Variants in GPC5 observed in about 807,000 individuals in gnomAD.
The protein encoded by GPC5 is glypican 5, also known as glypican-5.
A neutral mutation model predicts 53.9 loss-of-function variants in GPC5; 47 were observed. The observed-to-expected ratio is 0.87, with a 90% CI of 0.69 to 1.11. GPC5 has a LOEUF of 1.11. Among genes scored for constraint, GPC5 ranks in the 50% most tolerant of loss-of-function variants. The probability of loss-of-function intolerance (pLI) is 0.00; values close to 1 mark genes in which losing one functional copy is unlikely to be tolerated. For synonymous variants in GPC5, 286 were observed against 263.3 expected (o/e 1.09, Z -0.84); for missense variants, 748 against 713.1 (o/e 1.05, Z -0.56).
intron 7 of GPC5, among the ~76,000 whole-genome samples, chr13:92,426,650 T>G (rs147887456): frequency 6.6e-6 from 1 of 152,210 alleles, no homozygotes; most frequent in East Asian, 1.9e-4. Flanking sequence ...CTGGCTTATT[T>G]TATGTATTTG....
intron 7 of GPC5, among the ~76,000 whole-genome samples, chr13:92,560,224 CA>C (rs200283249): frequency 0.036 from 5,434 of 151,914 alleles, 276 homozygotes; most frequent in African/African-American, 0.11. Flanking sequence ...ACTTTGATTA[CA>C]AAATAGTGAT....
intron 7 of GPC5, among the ~76,000 whole-genome samples, chr13:92,187,458 T>C (rs1305243144): frequency 6.6e-6 from 1 of 152,198 alleles, no homozygotes; most frequent in Non-Finnish European, 1.5e-5. Context: ...TCATGCCATA[T>C]GATAGGGTGA....
chr13:92,405,619 T>A (rs1445839109), intron 7 of GPC5, among the ~76,000 whole-genome samples: 2 of 152,228 alleles, frequency 1.3e-5, no homozygotes, highest in African/African-American at 4.8e-5. Context: ...TTTTCAAGGC[T>A]ATCTTGTCCT....
chr13:92,525,636 A>T (rs112977805), intron 7 of GPC5, among the ~76,000 whole-genome samples: 2 of 152,034 alleles, frequency 1.3e-5, no homozygotes, highest in African/African-American at 4.8e-5. Context: ...ACTGAATTAT[A>T]TCTCTAAGGG....
At chr13:91,687,621 T>C (rs1291510525) in intron 2 of GPC5, among the ~76,000 whole-genome samples, 1 of 151,990 alleles carries the variant, frequency 6.6e-6, no homozygotes, top group East Asian at 1.9e-4. Context: ...TTGCAGCCTT[T>C]AATTCGATCT....
At chr13:91,976,425 CT>C (rs1186372754) in intron 6 of GPC5, among the ~76,000 whole-genome samples, 1 of 152,162 alleles carries the variant, frequency 6.6e-6, no homozygotes, top group Non-Finnish European at 1.5e-5. Context: ...GGGAAGAAGG[CT>C]TTAATTGGGT....
chr13:91,762,401 C>T (rs932766225), intron 5 of GPC5, among the ~76,000 whole-genome samples: 8 of 151,640 alleles, frequency 5.3e-5, no homozygotes, highest in Non-Finnish European at 1.0e-4. Context: ...CATTCAATTA[C>T]ATTTTTCCTA....
chr13:91,691,050 AC>A (rs765963125), intron 2 of GPC5, among the ~76,000 whole-genome samples: 1 of 152,202 alleles, frequency 6.6e-6, no homozygotes, highest in Admixed American at 6.5e-5. Flanking sequence ...GGAGAAACAT[AC>A]AGGCTTGGCA....
At chr13:92,392,623 A>G (rs1035618697) in intron 7 of GPC5, among the ~76,000 whole-genome samples, 1 of 152,218 alleles carries the variant, frequency 6.6e-6, no homozygotes, top group Non-Finnish European at 1.5e-5. Flanking sequence ...GACAACCTAC[A>G]GAATAGGAGA....
intron 6 of GPC5, among the ~76,000 whole-genome samples, chr13:91,959,057 A>AACACACACACACAC (rs147785443): frequency 1.6e-5 from 2 of 127,654 alleles, no homozygotes; most frequent in African/African-American, 3.0e-5. Flanking sequence ...GAATGGAGAC[A>AACACACACACACAC]ACACACACAC....
At chr13:92,706,945 T>A (rs1443054746) in intron 7 of GPC5, among the ~76,000 whole-genome samples, 1 of 152,138 alleles carries the variant, frequency 6.6e-6, no homozygotes, top group Non-Finnish European at 1.5e-5. Context: ...ATGATTGGGA[T>A]AATGCCCTTA....
At chr13:92,681,632 A>T (rs1887113176) in intron 7 of GPC5, among the ~76,000 whole-genome samples, 2 of 152,178 alleles carry the variant, frequency 1.3e-5, no homozygotes, top group South Asian at 4.1e-4. Context: ...TTTTAGGCTG[A>T]CCGTGACCAT....
intron 7 of GPC5, among the ~76,000 whole-genome samples, chr13:92,654,771 A>G (rs1198342284): frequency 6.6e-6 from 1 of 151,862 alleles, no homozygotes; most frequent in Non-Finnish European, 1.5e-5. Context: ...AAAAAGTAGA[A>G]GTAAATGTAT....
intron 2 of GPC5, among the ~76,000 whole-genome samples, chr13:91,678,633 A>G (rs2035437432): frequency 6.6e-6 from 1 of 152,166 alleles, no homozygotes; most frequent in Non-Finnish European, 1.5e-5. Flanking sequence ...AGAGCAATAA[A>G]TATGATCGAT....
chr13:92,494,292 T>A (rs1035293323), intron 7 of GPC5, among the ~76,000 whole-genome samples: 10 of 152,180 alleles, frequency 6.6e-5, no homozygotes, highest in Non-Finnish European at 1.3e-4. Context: ...GGTTTCACCG[T>A]GTTAGCCAGG....
At position 91,736,290 on chromosome 13, in the gene GPC5, A is replaced by G. The variant is rs965208208; in HGVS notation, c.1154+7625A>G. On this transcript the variant is annotated intron_variant, in intron 4 of 7. Coordinates refer to ENST00000377067, the MANE Select transcript of GPC5 (RefSeq NM_004466.6). The stretch of plus-strand genomic sequence containing the variant: ...TATCTGAGAAAATATAGGTGTGTTT[A>G]TATATGCATACATATTAACACACAC... Among the ~76,000 whole-genome samples, 5 of 151,468 alleles carry G rather than the reference A, an allele frequency of 3.3e-5. 1 individual carries two copies. Among genetic ancestry groups the G allele is most frequent in the Admixed American group, 6.6e-5 (1 of 15,242 alleles).
intron 6 of GPC5, among the ~76,000 whole-genome samples, chr13:91,916,519 G>T (rs2039660947): frequency 6.6e-6 from 1 of 152,162 alleles, no homozygotes; most frequent in Admixed American, 6.6e-5. Context: ...TGTTATACTA[G>T]CTGAAAGAAG....
intron 5 of GPC5, among the ~76,000 whole-genome samples, chr13:91,832,303 T>C (rs1480809834): frequency 1.0e-3 from 68 of 65,612 alleles, no homozygotes; most frequent in African/African-American, 2.1e-3. Flanking sequence ...TTTTTCTCTT[T>C]TTTTTTTTTT....
intron 2 of GPC5, among the ~76,000 whole-genome samples, chr13:91,473,884 C>T (rs568039005): frequency 6.6e-6 from 1 of 152,136 alleles, no homozygotes; most frequent in South Asian, 2.1e-4. Flanking sequence ...TAATTCTCAA[C>T]AAGAATGTAG....
Sources: allele counts gnomAD v4.1 joint callset (sites outside exome capture counted in the v4.1 genomes callset), GRCh38; gene constraint gnomAD v4.1.1; transcripts MANE v1.5; gene names NCBI Gene and HGNC (gene_info 2026-07-23, HGNC 2026-07-21).